Variants in RYR2 observed in about 807,000 individuals in gnomAD.
RYR2 encodes ryanodine receptor 2.
A neutral mutation model predicts 601.1 loss-of-function variants in RYR2; 227 were observed. The ratio of observed to expected loss-of-function variants is 0.38; its 90% CI spans 0.34 to 0.42. RYR2 has a LOEUF of 0.42. RYR2 is among the 10% of genes least tolerant of loss of function. The pLI is 1.00. For missense variants in RYR2, 4,646 were observed against 6,156.5 expected, an observed-to-expected ratio of 0.75 and a Z score of 8.21; for synonymous variants, 2,223 against 2,175.1, an observed-to-expected ratio of 1.02 and a Z score of -0.61.
intron 1 of RYR2, among the ~76,000 whole-genome samples, chr1:237,155,970 C>T (rs918761970): frequency 3.3e-5 from 5 of 152,198 alleles, no homozygotes; most frequent in Admixed American, 2.0e-4. Flanking sequence ...TGTGCTGTCC[C>T]TCTTAATCCT....
At chr1:237,762,204 A>G (rs934605400) in intron 84 of RYR2, among the ~76,000 whole-genome samples, 1 of 152,076 alleles carries the variant, frequency 6.6e-6, no homozygotes, top group African/African-American at 2.4e-5. Flanking sequence ...CCATTCTATA[A>G]CTTCTTAGGT....
At chr1:237,788,889 A>C (rs1396125005) in intron 92 of RYR2, among the ~76,000 whole-genome samples, 1 of 152,056 alleles carries the variant, frequency 6.6e-6, no homozygotes, top group African/African-American at 2.4e-5. Flanking sequence ...ATGCATGTGT[A>C]ATGTCACATG....
At chr1:237,748,024 T>C (rs995782048) in intron 80 of RYR2, among the ~76,000 whole-genome samples, 9 of 152,130 alleles carry the variant, frequency 5.9e-5, no homozygotes, top group Admixed American at 2.6e-4. Context: ...TACAATAAAA[T>C]TATGCATCTC....
At chr1:237,604,557 G>A (rs1676887668) in intron 35 of RYR2, among the ~76,000 whole-genome samples, 2 of 152,102 alleles carry the variant, frequency 1.3e-5, no homozygotes, top group Admixed American at 1.3e-4. Context: ...CGGAAGGCAA[G>A]AAATAACTAA....
intron 2 of RYR2, among the ~76,000 whole-genome samples, chr1:237,283,314 GCTTTTTCT>G (rs1691101473): frequency 6.6e-6 from 1 of 151,660 alleles, no homozygotes; most frequent in African/African-American, 2.4e-5. Flanking sequence ...TCACTTGATC[GCTTTTTCT>G]CTTTTTCTTC....
chr1:237,385,742 G>T (rs1701913127), intron 8 of RYR2, among the ~76,000 whole-genome samples: 2 of 152,280 alleles, frequency 1.3e-5, no homozygotes, highest in African/African-American at 4.8e-5. Flanking sequence ...TTATGGAACA[G>T]CTTAAAATGT....
intron 25 of RYR2, among the ~76,000 whole-genome samples, chr1:237,535,557 A>G (rs2147980114): frequency 6.6e-6 from 1 of 151,750 alleles, no homozygotes; most frequent in Non-Finnish European, 1.5e-5. Context: ...ACCAAATACA[A>G]TCTCACATAA....
intron 1 of RYR2, among the ~76,000 whole-genome samples, chr1:237,145,844 C>A (rs1673941608): frequency 6.6e-6 from 1 of 152,156 alleles, no homozygotes; most frequent in South Asian, 2.1e-4. Flanking sequence ...GAATTAGATG[C>A]CTCAGCTATA....
intron 99 of RYR2, among the ~76,000 whole-genome samples, chr1:237,808,668 AC>A (rs1660923865): frequency 2.0e-5 from 3 of 147,328 alleles, no homozygotes; most frequent in East Asian, 2.0e-4. Flanking sequence ...AAAAAAAAAA[AC>A]AAAATAAAAT....
At chr1:237,432,431 T>C (rs998365529) in intron 12 of RYR2, among the ~76,000 whole-genome samples, 20 of 152,226 alleles carry the variant, frequency 1.3e-4, no homozygotes, top group South Asian at 2.1e-4. Flanking sequence ...ATATATTCAG[T>C]TGGGAATGGA....
At chr1:237,395,838 G>A (rs1441998557) in intron 10 of RYR2, among the ~76,000 whole-genome samples, 3 of 151,998 alleles carry the variant, frequency 2.0e-5, no homozygotes, top group African/African-American at 2.4e-5. Context: ...GAGCCACCAC[G>A]CCCAGCCAGG....
intron 25 of RYR2, among the ~76,000 whole-genome samples, chr1:237,536,428 C>A (rs117795084): frequency 2.1e-4 from 32 of 150,662 alleles, no homozygotes; most frequent in Non-Finnish European, 4.3e-4. Context: ...AAAAATTAGC[C>A]GGGTGGCCGG....
At chr1:237,736,916 T>C (rs750674510) in intron 79 of RYR2, among the ~76,000 whole-genome samples, 2 of 152,186 alleles carry the variant, frequency 1.3e-5, no homozygotes, top group African/African-American at 4.8e-5. Flanking sequence ...CAGACTCTTG[T>C]TGAGAACAGT....
At chr1:237,550,470 A>C (rs764778260) in intron 26 of RYR2, 74 bp from the exon 27 acceptor site, 6 of 1,511,472 alleles carry the variant, frequency 4.0e-6, no homozygotes, top group Non-Finnish European at 4.5e-6. Context: ...TTAAAGTTTG[A>C]TGTATTTGGT....
At chr1:237,328,395 T>C (rs2149555317) in intron 2 of RYR2, among the ~76,000 whole-genome samples, 1 of 151,460 alleles carries the variant, frequency 6.6e-6, no homozygotes, top group East Asian at 1.9e-4. Flanking sequence ...GAGAGTCCTT[T>C]TCCTAGCCTT....
chr1:237,066,136 A>C (rs941713672), intron 1 of RYR2, among the ~76,000 whole-genome samples: 3 of 152,234 alleles, frequency 2.0e-5, no homozygotes, highest in African/African-American at 7.2e-5. Flanking sequence ...TTTTTCATTC[A>C]GCGAAATGCT....
rs772672027 is a variant in RYR2, at chr1:237,614,011, C to T, written c.4911-28C>T. On this transcript the variant is annotated intron_variant, in intron 36 of 104. Transcript: ENST00000366574. This position sits in a 1 kb window ranked among gnomAD's most constrained non-coding sequence, Gnocchi z 4.3. ...TTTTAAAAAATCATTCATTTCTAAT[C>T]TTACTACCACTCTCCTCCCTTCTAC... The T allele has an allele frequency of 6.3e-7, 1 of 1,578,994 alleles. No individual in the cohort carries two copies. Among genetic ancestry groups the T allele is most frequent in the Non-Finnish European group, 8.6e-7 (1 of 1,156,650 alleles).
chr1:237,638,865 T>C (rs1047420421), intron 45 of RYR2, 150 bp from the exon 46 acceptor site: 2 of 953,678 alleles, frequency 2.1e-6, no homozygotes, highest in African/African-American at 1.7e-5. Flanking sequence ...ATATACTTAA[T>C]GCTAGCAATT....
intron 45 of RYR2, among the ~76,000 whole-genome samples, 165 bp downstream of exon 45, chr1:237,638,657 T>C (rs1426597341): frequency 6.6e-6 from 1 of 152,250 alleles, no homozygotes; most frequent in Non-Finnish European, 1.5e-5. Context: ...ACAATATTTG[T>C]TTACATACTT....
Sources: allele counts gnomAD v4.1 joint callset (sites outside exome capture counted in the v4.1 genomes callset), GRCh38; gene constraint gnomAD v4.1.1; non-coding constraint Gnocchi (gnomAD v3.1); transcripts MANE v1.5; gene names NCBI Gene and HGNC (gene_info 2026-07-23, HGNC 2026-07-21).